Variants in RNF125 observed in about 807,000 individuals in gnomAD.
RNF125 encodes ring finger protein 125, also known as E3 ubiquitin-protein ligase RNF125.
Under a neutral mutation model 26.0 loss-of-function variants are expected in RNF125, and 21 were observed. The observed-to-expected ratio is 0.81, with a 90% CI of 0.57 to 1.16. The LOEUF is 1.16. Ranked by LOEUF, RNF125 falls within the 50% of genes most tolerant of loss-of-function variation. RNF125 has a pLI of 0.00. For missense variants in RNF125, 270 were observed against 299.4 expected, an observed-to-expected ratio of 0.90 and a Z score of 0.72; for synonymous variants, 95 against 109.2, an observed-to-expected ratio of 0.87 and a Z score of 0.81.
At chr18:32,035,235 AAAC>A (rs757054702) in intron 1 of RNF125, among the ~76,000 whole-genome samples, 3 of 152,198 alleles carry the variant, frequency 2.0e-5, no homozygotes, top group Non-Finnish European at 2.9e-5. Context: ...GGACAGGTAT[AAAC>A]AACAAGTAGA....
At chr18:32,061,903 A>G (rs904393412) in intron 4 of RNF125, among the ~76,000 whole-genome samples, 2 of 152,238 alleles carry the variant, frequency 1.3e-5, no homozygotes, top group Admixed American at 6.5e-5. Flanking sequence ...TCTGAGACAC[A>G]GAACATCAGC....
chr18:32,065,260 A>C (rs967394963), intron 4 of RNF125, among the ~76,000 whole-genome samples: 1 of 152,074 alleles, frequency 6.6e-6, no homozygotes, highest in African/African-American at 2.4e-5. Context: ...TTTTTGAGAC[A>C]GAGTTTTGCT....
At chr18:32,026,887 G>C (rs2039041827) in intron 1 of RNF125, among the ~76,000 whole-genome samples, 1 of 152,178 alleles carries the variant, frequency 6.6e-6, no homozygotes, top group Non-Finnish European at 1.5e-5. Context: ...TCAAAATCCA[G>C]ATCATTCCCT....
At chr18:32,038,347 C>T (rs2039182192) in intron 2 of RNF125, among the ~76,000 whole-genome samples, 2 of 152,164 alleles carry the variant, frequency 1.3e-5, no homozygotes, top group Admixed American at 1.3e-4. Context: ...TCTCACCCAG[C>T]CTCCAATTTC....
At chr18:32,024,248 G>A (rs1320977353) in intron 1 of RNF125, among the ~76,000 whole-genome samples, 1 of 127,930 alleles carries the variant, frequency 7.8e-6, no homozygotes, top group African/African-American at 3.1e-5. Flanking sequence ...TGTCACCCAG[G>A]CTGGCGTGCA....
chr18:32,055,747 A>C (rs1210738358), intron 4 of RNF125, among the ~76,000 whole-genome samples: 2 of 151,750 alleles, frequency 1.3e-5, no homozygotes, highest in Admixed American at 6.6e-5. Context: ...TTGGGAGGCC[A>C]AGGTGGGCGG....
At chr18:32,021,045 TATAA>T (rs1227454137) in intron 1 of RNF125, among the ~76,000 whole-genome samples, 1 of 152,334 alleles carries the variant, frequency 6.6e-6, no homozygotes, top group East Asian at 1.9e-4. Context: ...CTGCACAATG[TATAA>T]ATAAAGAGTG....
chr18:32,050,866 T>C (rs1023224045), intron 4 of RNF125, among the ~76,000 whole-genome samples: 4,656 of 21,136 alleles, frequency 0.22, 177 homozygotes, highest in Non-Finnish European at 0.25. Context: ...TCTAGAGTGC[T>C]TTTTTTTTTT....
chr18:32,044,421 A>C (rs749030482), intron 3 of RNF125, among the ~76,000 whole-genome samples: 1 of 152,266 alleles, frequency 6.6e-6, no homozygotes, highest in Non-Finnish European at 1.5e-5. Flanking sequence ...TAATATTGCC[A>C]AAATATTATC....
At chr18:32,056,283 A>G (rs2039382143) in intron 4 of RNF125, among the ~76,000 whole-genome samples, 1 of 152,122 alleles carries the variant, frequency 6.6e-6, no homozygotes, top group Non-Finnish European at 1.5e-5. Context: ...AAATTGCCCT[A>G]CAAAGCTCTG....
At chr18:32,066,177 C>T in intron 5 of RNF125, 168 bp downstream of exon 5, 1 of 492,962 alleles carries the variant, frequency 2.0e-6, no homozygotes, top group Non-Finnish European at 3.7e-6. Context: ...TGGCCTGGTG[C>T]AGTGGCTCAC....
chr18:32,084,836 A>G, the RNF125 span, among the ~76,000 whole-genome samples: 182 of 152,352 alleles, frequency 1.2e-3, 1 homozygote, highest in African/African-American at 4.2e-3. Flanking sequence ...TACATAAAAT[A>G]TGGATGATAT....
At chr18:32,050,742 TC>T (rs1488658789) in intron 4 of RNF125, among the ~76,000 whole-genome samples, 1 of 152,078 alleles carries the variant, frequency 6.6e-6, no homozygotes, top group African/African-American at 2.4e-5. Context: ...CCACTTTTTT[TC>T]TTTTTCCTTA....
intron 1 of RNF125, among the ~76,000 whole-genome samples, chr18:32,029,151 G>T (rs61692709): frequency 0.042 from 6,407 of 152,086 alleles, 447 homozygotes; most frequent in African/African-American, 0.15. Context: ...TCCTTTGGTG[G>T]ACTTTAATTT....
chr18:32,078,627 G>A, the RNF125 span, among the ~76,000 whole-genome samples: 2 of 151,480 alleles, frequency 1.3e-5, no homozygotes, highest in African/African-American at 2.4e-5. Context: ...GCAACAGAGT[G>A]AGACCAAATC....
In RNF125 at chr18:32,019,007, C is replaced by G. The variant is rs1480000700; in HGVS notation, c.144C>G (p.Val48=). The G allele has an allele frequency of 6.2e-7, 1 of 1,613,288 alleles. No individual in the cohort carries two copies. Residue 48 remains valine (V), a synonymous_variant, in exon 1 of 6, where the codon GTC becomes GTG. Transcript: ENST00000217740. ...GCCTTGAGGTGTTACACCAGCCTGTCCGGACCCGCTGTGGCCACGTGTAAG... is the reference window on the plus strand; with the variant it reads ...GCCTTGAGGTGTTACACCAGCCTGTGCGGACCCGCTGTGGCCACGTGTAAG... ...AVCLEVLHQP[V]RTRCGHVFCR...
chr18:32,087,496 T>G, the RNF125 span, among the ~76,000 whole-genome samples: 23 of 151,748 alleles, frequency 1.5e-4, no homozygotes, highest in Non-Finnish European at 3.1e-4. Context: ...AGGTAGGAAC[T>G]GAATTAGAGG....
chr18:32,045,951 C>T lies in RNF125; in HGVS notation c.504+219C>T. 1.3e-5 allele frequency among the ~76,000 whole-genome samples: 2 copies of T among 151,956 alleles called. 1 individual carries two copies. The highest frequency in any genetic ancestry group is 2.9e-5 in the Non-Finnish European group (2 of 68,012). On this transcript the variant is annotated intron_variant, in intron 4 of 5. Coordinates refer to ENST00000217740, the MANE Select transcript of RNF125 (RefSeq NM_017831.4). ...ACTCATTTATGAAATTACACATTAT[C>T]TCTAACAGGTAATCATGGGCATAAT...
intron 1 of RNF125, among the ~76,000 whole-genome samples, chr18:32,033,839 CAAAA>C (rs1219701918): frequency 6.9e-6 from 1 of 145,268 alleles, no homozygotes; most frequent in African/African-American, 2.6e-5. Flanking sequence ...AACAAACAAA[CAAAA>C]AAGTAGAAGG....
Sources: gnomAD v4.1 joint callset for allele counts (sites outside exome capture counted in the v4.1 genomes callset) on GRCh38, gnomAD v4.1.1 for gene constraint, MANE v1.5 for transcripts, NCBI Gene and HGNC (gene_info 2026-07-23, HGNC 2026-07-21) for gene names.